The following PPEF2 variants were observed in gnomAD, a reference collection of about 807,000 sequenced individuals.
The protein encoded by PPEF2 is serine/threonine-protein phosphatase with EF-hands 2.
PPEF2 carries 84 observed loss-of-function variants against 84.7 expected under a neutral mutation model. That is an observed-to-expected ratio of 0.99 (90% CI 0.83 to 1.19). The LOEUF is 1.19. Among genes scored for constraint, PPEF2 ranks in the 50% most tolerant of loss-of-function variants. The pLI is 0.00. For synonymous variants in PPEF2, 346 were observed against 345.2 expected (o/e 1.00, Z -0.03); for missense variants, 924 against 937.5 (o/e 0.99, Z 0.19).
intron 16 of PPEF2, among the ~76,000 whole-genome samples, chr4:75,863,523 T>C (rs1577999592): frequency 6.8e-6 from 1 of 147,156 alleles, no homozygotes; most frequent in Non-Finnish European, 1.5e-5. Context: ...AAAAAAGTTA[T>C]AAAATTAGAT....
intron 8 of PPEF2, 117 bp downstream of exon 8, chr4:75,884,477 T>TA (rs1724669263): frequency 1.6e-6 from 2 of 1,286,740 alleles, no homozygotes; most frequent in South Asian, 1.5e-5. Flanking sequence ...TTCTGCTTTT[T>TA]AAAAAAATTG....
At chr4:75,862,313 A>AC (rs1285564698) in intron 16 of PPEF2, among the ~76,000 whole-genome samples, 39 of 71,470 alleles carry the variant, frequency 5.5e-4, no homozygotes, top group African/African-American at 1.9e-3. Context: ...AAAAAAAAAA[A>AC]AAAAAAAAAC....
intron 10 of PPEF2, chr4:75,881,775 C>T (rs1724580026): frequency 6.6e-6 from 1 of 152,198 alleles, no homozygotes; most frequent in African/African-American, 2.4e-5. Context: ...TAGAACCAAA[C>T]TGCCATTTCA....
At chr4:75,889,611 C>T (rs574871608) in intron 5 of PPEF2, among the ~76,000 whole-genome samples, 1 of 152,274 alleles carries the variant, frequency 6.6e-6, no homozygotes, top group Admixed American at 6.5e-5. Context: ...CATTGTCTGC[C>T]TCCCCGATGG....
At chr4:75,861,056 C>G in intron 16 of PPEF2, 136 bp from the exon 17 acceptor site, 1 of 1,064,550 alleles carries the variant, frequency 9.4e-7, no homozygotes, top group South Asian at 1.6e-5. Flanking sequence ...AATTTAAACT[C>G]CCAAGAGGAT....
chr4:75,864,359 G>A (rs1724077507), intron 16 of PPEF2, 81 bp downstream of exon 16: 1 of 1,073,622 alleles, frequency 9.3e-7, no homozygotes, highest in Admixed American at 1.8e-5. Context: ...GATGAATGAG[G>A]ATGAATCAGG....
chr4:75,886,773 AT>A (rs766540621), intron 7 of PPEF2, 78 bp downstream of exon 7: 70 of 778,124 alleles, frequency 9.0e-5, no homozygotes, highest in Non-Finnish European at 1.4e-4. Context: ...ATATTTAAGC[AT>A]TTGTTCAATT....
At chr4:75,894,639 C>CA (rs1264609983) in intron 2 of PPEF2, among the ~76,000 whole-genome samples, 2 of 152,276 alleles carry the variant, frequency 1.3e-5, no homozygotes, top group East Asian at 3.9e-4. Context: ...TGGGGTTTAA[C>CA]ACCTGTATGG....
intron 1 of PPEF2, among the ~76,000 whole-genome samples, chr4:75,899,493 C>T (rs773060406): frequency 9.2e-5 from 14 of 152,076 alleles, no homozygotes; most frequent in Non-Finnish European, 1.3e-4. Flanking sequence ...ACATCAAGAG[C>T]GAATCCCACT....
At position 75,876,481 on chromosome 4, in the gene PPEF2, G is replaced by T; in HGVS notation, c.1126C>A (p.Pro376Thr). ...CGCCCGTCCAGGGAACCGCTGCAGG[G>T]GATGCTGGAGGACCTGCTGGTTTTC... ...AQKTSRSSSIPCSGSLDGREL... is the reference protein window; with the variant it reads ...AQKTSRSSSITCSGSLDGREL... Residue 376 changes from proline to threonine, a missense_variant, in exon 11 of 17, where the codon CCC (proline) becomes ACC (threonine). Coordinates refer to ENST00000286719, the MANE Select transcript of PPEF2 (RefSeq NM_006239.3). 1.2e-6 allele frequency: 2 copies of T among 1,613,970 alleles called. No individual in the cohort carries two copies. The highest frequency in any genetic ancestry group is 1.7e-6 in the Non-Finnish European group (2 of 1,179,908).
intron 1 of PPEF2, among the ~76,000 whole-genome samples, chr4:75,896,745 C>T (rs531940020): frequency 1.8e-4 from 28 of 152,244 alleles, no homozygotes; most frequent in African/African-American, 5.5e-4. Flanking sequence ...TTTCTCTTTA[C>T]TTCCTCTCAA....
At chr4:75,876,164 T>C (rs1724400066) in intron 11 of PPEF2, 123 bp downstream of exon 11, 2 of 1,155,546 alleles carry the variant, frequency 1.7e-6, no homozygotes, top group East Asian at 4.9e-5. Context: ...AGTGTCCTTC[T>C]GGGGTGTTGT....
intron 10 of PPEF2, among the ~76,000 whole-genome samples, chr4:75,879,838 A>AT (rs68095351): frequency 0.85 from 127,758 of 149,470 alleles, 57,376 homozygotes; most frequent in East Asian, 0.99. Context: ...ATTTACTTTT[A>AT]TTTTTTTTTT....
intron 4 of PPEF2, among the ~76,000 whole-genome samples, chr4:75,891,199 A>G (rs1724873013): frequency 6.7e-6 from 1 of 149,734 alleles, no homozygotes; most frequent in African/African-American, 2.4e-5. Flanking sequence ...AAAAGAAAAG[A>G]AAAGAAAAGA....
rs1260269319 is a variant in PPEF2, at chr4:75,875,991, T to TA, written c.1320+295dup. On this transcript the variant is annotated intron_variant, in intron 11 of 16. Coordinates refer to ENST00000286719, the MANE Select transcript of PPEF2 (RefSeq NM_006239.3). The stretch of plus-strand genomic sequence containing the variant: ...TATGGCAGCTATATTACTGACACAT[T>TA]AAAAAAAATAGCACACAATAGCATC... Among the ~76,000 whole-genome samples, 15 of 152,018 alleles carry TA rather than the reference T, an allele frequency of 9.9e-5. No homozygotes were observed. The East Asian group carries it at 1.4e-3, about 14-fold the overall frequency.
intron 1 of PPEF2, among the ~76,000 whole-genome samples, chr4:75,896,753 C>A (rs1443775569): frequency 6.6e-6 from 1 of 152,178 alleles, no homozygotes; most frequent in Non-Finnish European, 1.5e-5. Context: ...TACTTCCTCT[C>A]AAAATCACCT....
intron 7 of PPEF2, among the ~76,000 whole-genome samples, chr4:75,886,301 G>C (rs888697394): frequency 1.3e-5 from 2 of 152,156 alleles, no homozygotes; most frequent in Non-Finnish European, 2.9e-5. Context: ...CATCCCCGCC[G>C]GCCCGCAGTT....
chr4:75,869,569 A>C (rs894002149), intron 13 of PPEF2, among the ~76,000 whole-genome samples: 2 of 152,228 alleles, frequency 1.3e-5, no homozygotes, highest in Non-Finnish European at 2.9e-5. Context: ...TTATCAGGCC[A>C]GGCATGGTGG....
chr4:75,874,056 A>C (rs7696829), intron 11 of PPEF2, among the ~76,000 whole-genome samples: 150,611 of 151,836 alleles, frequency 0.99, 74,711 homozygotes, highest in Middle Eastern at 1. Flanking sequence ...TGCAGTGAGC[A>C]GAGATCGTGC....
Sources: allele counts gnomAD v4.1 joint callset (sites outside exome capture counted in the v4.1 genomes callset), GRCh38; gene constraint gnomAD v4.1.1; transcripts MANE v1.5; gene names NCBI Gene and HGNC (gene_info 2026-07-23, HGNC 2026-07-21).